GLRA2: variants seen among roughly 807,000 people sequenced by gnomAD.
GLRA2 encodes the protein glycine receptor alpha 2, also known as glycine receptor subunit alpha-2.
A neutral mutation model predicts 31.6 loss-of-function variants in GLRA2; 11 were observed. The observed-to-expected ratio is 0.35, with a 90% CI of 0.22 to 0.58. The LOEUF is 0.58. Among genes scored for constraint, GLRA2 ranks in the 20% least tolerant of loss-of-function variants. The pLI is 0.84. For missense variants in GLRA2, 212 were observed against 351.8 expected (o/e 0.60, Z 3.18); for synonymous variants, 132 against 134.0 (o/e 0.99, Z 0.10).
chrX:14,530,089 C>G lies in GLRA2; in HGVS notation c.32C>G (p.Ala11Gly). 1 of 1,201,610 alleles carries G rather than the reference C, an allele frequency of 8.3e-7. No individual in the cohort carries two copies. Among genetic ancestry groups the G allele is most frequent in the Non-Finnish European group, 1.1e-6 (1 of 886,357 alleles). Residue 11 changes from alanine to glycine, a missense_variant, in exon 1 of 9, where the codon GCC becomes GGC. Coordinates refer to ENST00000218075, the MANE Select transcript of GLRA2 (RefSeq NM_002063.4). Reference sequence around the variant, plus strand: ...CGGCAGCTAGTGAACATTTTGACAGCCTTGTTTGCATTTTTCTTAGAGACA... The same window carrying G: ...CGGCAGCTAGTGAACATTTTGACAGGCTTGTTTGCATTTTTCTTAGAGACA... MNRQLVNILTALFAFFLETNH... is the reference protein window; with the variant it reads MNRQLVNILTGLFAFFLETNH...
At chrX:14,696,326 G>A (rs1164829950) in intron 8 of GLRA2, among the ~76,000 whole-genome samples, 4 of 110,149 alleles carry the variant, frequency 3.6e-5, no homozygotes, top group Admixed American at 9.7e-5. Flanking sequence ...GGGAAAACAC[G>A]GAAGAGACAC....
At chrX:14,494,140 C>G in the GLRA2 span, among the ~76,000 whole-genome samples, 1 of 110,947 alleles carries the variant, frequency 9.0e-6, no homozygotes, top group Admixed American at 9.6e-5. Flanking sequence ...AATCTAAGGT[C>G]TTAGAAGTTG....
chrX:14,494,662 A>G, the GLRA2 span, among the ~76,000 whole-genome samples: 1 of 111,469 alleles, frequency 9.0e-6, no homozygotes, highest in East Asian at 2.8e-4. Flanking sequence ...GAAAACTGGG[A>G]AAGTCCTGGG....
chrX:14,630,557 C>G (rs2090633337), intron 7 of GLRA2, among the ~76,000 whole-genome samples: 1 of 111,426 alleles, frequency 9.0e-6, no homozygotes. Flanking sequence ...TTTTCTGTAT[C>G]CTCTCCTTCA....
chrX:14,645,125 A>G (rs2090816424), intron 7 of GLRA2, among the ~76,000 whole-genome samples: 1 of 112,007 alleles, frequency 8.9e-6, no homozygotes, highest in African/African-American at 3.2e-5. Flanking sequence ...TGTGACTTCC[A>G]TGATCCATAT....
chrX:14,669,755 A>C (rs2091071745), intron 7 of GLRA2, among the ~76,000 whole-genome samples: 1 of 111,223 alleles, frequency 9.0e-6, no homozygotes, highest in Non-Finnish European at 1.9e-5. Flanking sequence ...CCAACCCATG[A>C]AACCACATTT....
At chrX:14,659,367 T>C (rs1184927511) in intron 7 of GLRA2, among the ~76,000 whole-genome samples, 7 of 112,210 alleles carry the variant, frequency 6.2e-5, no homozygotes, top group Non-Finnish European at 1.3e-4. Flanking sequence ...TATTTGTAGA[T>C]TATTTATGAC....
the GLRA2 span, among the ~76,000 whole-genome samples, chrX:14,483,195 G>T: frequency 8.0e-5 from 9 of 111,839 alleles, no homozygotes; most frequent in Admixed American, 1.9e-4. Flanking sequence ...GCACACACAG[G>T]CTAGGGCATA....
At chrX:14,565,014 CA>C (rs947805256) in intron 2 of GLRA2, among the ~76,000 whole-genome samples, 3 of 107,823 alleles carry the variant, frequency 2.8e-5, no homozygotes, top group African/African-American at 1.0e-4. Flanking sequence ...TGGTTCACTA[CA>C]AAAAAAATCA....
At chrX:14,533,792 G>A (rs1352824282) in intron 2 of GLRA2, among the ~76,000 whole-genome samples, 2 of 110,919 alleles carry the variant, frequency 1.8e-5, no homozygotes, top group East Asian at 5.6e-4. Context: ...GGGAGGAGAT[G>A]TTACATGAAT....
chrX:14,641,233 C>A (rs1484857030), intron 7 of GLRA2, among the ~76,000 whole-genome samples: 2 of 111,542 alleles, frequency 1.8e-5, no homozygotes, highest in Non-Finnish European at 3.8e-5. Flanking sequence ...AAGCACAAGT[C>A]TGGATTTGAA....
chrX:14,621,510 C>T (rs1169371252), intron 7 of GLRA2, among the ~76,000 whole-genome samples: 2 of 110,835 alleles, frequency 1.8e-5, no homozygotes, highest in African/African-American at 6.6e-5. Context: ...CTATCCCTCC[C>T]CCTGTCCCCC....
At chrX:14,617,756 A>G (rs550140085) in intron 7 of GLRA2, among the ~76,000 whole-genome samples, 28 of 111,821 alleles carry the variant, frequency 2.5e-4, no homozygotes, top group African/African-American at 6.8e-4. Context: ...TCCATCCCAG[A>G]TGAGCCCAGA....
At chrX:14,712,218 A>G (rs1463180054) in intron 8 of GLRA2, among the ~76,000 whole-genome samples, 1 of 112,516 alleles carries the variant, frequency 8.9e-6, no homozygotes, top group Non-Finnish European at 1.9e-5. Context: ...TAGATAATTC[A>G]TGCTTTGTGG....
chrX:14,609,692 G>A (rs2090377677), intron 7 of GLRA2, among the ~76,000 whole-genome samples: 1 of 111,457 alleles, frequency 9.0e-6, no homozygotes, highest in African/African-American at 3.3e-5. Flanking sequence ...AGAAATTAAT[G>A]TACAATATTA....
intron 8 of GLRA2, among the ~76,000 whole-genome samples, chrX:14,707,746 AC>A (rs1242520776): frequency 1.2e-5 from 1 of 84,506 alleles, no homozygotes; most frequent in Non-Finnish European, 2.4e-5. Context: ...TCCTACTTTG[AC>A]AGCAAAAAAG....
chrX:14,612,545 T>C lies in GLRA2; in HGVS notation c.930+3340T>C, dbSNP rs1337865951. On this transcript the variant is annotated intron_variant, in intron 7 of 8. Transcript: ENST00000218075. ...CACAGGTATGTTTATTGCGGCACTA[T>C]TCACAATACCAAAGACTTGGAACCA... Among the ~76,000 whole-genome samples the C allele has an allele frequency of 3.6e-5, 4 of 111,210 alleles. No homozygotes were observed. The East Asian group carries it at 8.5e-4, about 24-fold the overall frequency.
upstream of GLRA2, among the ~76,000 whole-genome samples, chrX:14,527,194 A>T (rs1490484130): frequency 8.9e-6 from 1 of 111,842 alleles, no homozygotes; most frequent in Non-Finnish European, 1.9e-5. Flanking sequence ...GCTAAACTAG[A>T]TCCTCTCTAA....
At chrX:14,538,481 G>T (rs1424715294) in intron 2 of GLRA2, among the ~76,000 whole-genome samples, 1 of 111,620 alleles carries the variant, frequency 9.0e-6, no homozygotes, top group Non-Finnish European at 1.9e-5. Flanking sequence ...GGGCATCTTA[G>T]ATTCCTACCA....
Sources: allele counts gnomAD v4.1 joint callset (sites outside exome capture counted in the v4.1 genomes callset), GRCh38; gene constraint gnomAD v4.1.1; transcripts MANE v1.5; gene names NCBI Gene and HGNC (gene_info 2026-07-23, HGNC 2026-07-21).